CCDC198: variants seen among roughly 807,000 people sequenced by gnomAD.
The protein encoded by CCDC198 is coiled-coil domain containing 198, also known as factor associated with metabolism and energy.
CCDC198 carries 18 observed loss-of-function variants against 35.6 expected under a neutral mutation model. The ratio of observed to expected loss-of-function variants is 0.51; its 90% CI spans 0.35 to 0.75. CCDC198 has a LOEUF of 0.75. CCDC198 is among the 30% of genes least tolerant of loss of function. CCDC198 has a pLI of 0.01. For missense variants in CCDC198, 365 were observed against 343.7 expected, an observed-to-expected ratio of 1.06 and a Z score of -0.49; for synonymous variants, 119 against 113.4, an observed-to-expected ratio of 1.05 and a Z score of -0.31.
chr14:57,478,189 G>A (rs548751667), intron 5 of CCDC198, among the ~76,000 whole-genome samples: 1 of 152,096 alleles, frequency 6.6e-6, no homozygotes, highest in Non-Finnish European at 1.5e-5. Context: ...TTCAGAAGTC[G>A]CAGAGTGCAG....
intron 2 of CCDC198, among the ~76,000 whole-genome samples, chr14:57,483,809 A>T (rs2067267182): frequency 6.6e-6 from 1 of 152,204 alleles, no homozygotes; most frequent in Admixed American, 6.5e-5. Flanking sequence ...GGTTTGGGAG[A>T]CAAAGTCTGG....
Position 57,480,625 on chromosome 14 carries a change from A to AGATTT in CCDC198, c.624_625insAAATC (p.Leu209LysfsTer8). 1 of 1,614,152 alleles carries AGATTT rather than the reference A, an allele frequency of 6.2e-7. No individual in the cohort carries two copies. On this transcript the variant is annotated frameshift_variant, in exon 5 of 6. Transcript: ENST00000216445. LOFTEE classifies it high-confidence loss of function. ...CCTCTGTTCAAGATTTCATCAGGCA[A>AGATTT]CATGGTTAGAAGGTCATGGTCATCA...
At chr14:57,487,397 T>C (rs530907871) in intron 2 of CCDC198, among the ~76,000 whole-genome samples, 2 of 152,238 alleles carry the variant, frequency 1.3e-5, no homozygotes, top group Non-Finnish European at 2.9e-5. Context: ...GTGGGTCTTA[T>C]AGGGACAGTG....
chr14:57,493,635 C>T lies in CCDC198; in HGVS notation c.81G>A (p.Ser27=), dbSNP rs142383328. 59 of 1,613,798 alleles carry T rather than the reference C, an allele frequency of 3.7e-5. No individual in the cohort carries two copies. In the South Asian group the frequency reaches 3.7e-4, roughly 10 times the overall value. The change falls in exon 1 of 6, where the codon TCG becomes TCA. Residue 27 remains serine, a synonymous_variant. Transcript: ENST00000216445. The part of the protein sequence containing the change: ...PLQNKEVETP[S]AGRVDFAFNQ... ...TGAATGCAAAGTCCACACGGCCAGC[C>T]GAGGGAGTCTCTACCTCTTTGTTTT...
chr14:57,474,240 A>C (rs2066902939), intron 5 of CCDC198, among the ~76,000 whole-genome samples: 1 of 152,238 alleles, frequency 6.6e-6, no homozygotes. Context: ...TAAACAAATG[A>C]GCAATCAGAG....
chr14:57,471,190 A>G lies in CCDC198; in HGVS notation c.*165T>C. ...GGCATTTAGTTATGCAGCAATAGTT[A>G]ACAGCACATGTGACGGACTTGTTAA... On this transcript the variant is annotated 3_prime_UTR_variant, in exon 6 of 6. Transcript: ENST00000216445. The G allele has an allele frequency of 1.7e-6, 1 of 574,740 alleles. No individual in the cohort carries two copies. Among genetic ancestry groups the G allele is most frequent in the Non-Finnish European group, 3.0e-6 (1 of 330,314 alleles). The allele number at this position is 574,740 out of a possible 1,614,324, so 35.6% of individuals were successfully genotyped here.
In CCDC198 at chr14:57,471,573, C is replaced by T. The variant is rs1433662513; in HGVS notation, c.673G>A (p.Glu225Lys). 6.3e-7 allele frequency: 1 copy of T among 1,581,192 alleles called. No homozygotes were observed. Among genetic ancestry groups the T allele is most frequent in the Non-Finnish European group, 8.6e-7 (1 of 1,164,286 alleles). The change falls in exon 6 of 6, where the codon GAA (glutamate) becomes AAA (lysine). Residue 225 changes from glutamate to lysine, a missense_variant. By Grantham distance (56) the Glu-to-Lys change is moderately conservative. Coordinates refer to ENST00000216445, the MANE Select transcript of CCDC198 (RefSeq NM_018168.4). ...NRGPGNSKNT[E>K]FLKHQAVNNY... ...TTCACTGCTTGATGTTTCAAAAATT[C>T]TGTATTCTTTGAATTTCCTACAAAA...
chr14:57,483,292 G>C, intron 2 of CCDC198, 141 bp from the exon 3 acceptor site: 2 of 1,258,784 alleles, frequency 1.6e-6, no homozygotes, highest in Non-Finnish European at 2.2e-6. Context: ...GATTCTAACA[G>C]CATTACAGTT....
intron 2 of CCDC198, among the ~76,000 whole-genome samples, chr14:57,490,670 T>C (rs1389286784): frequency 1.3e-5 from 2 of 152,128 alleles, no homozygotes; most frequent in African/African-American, 4.8e-5. Context: ...AATTAAATAG[T>C]AGTAGCTGTT....
chr14:57,493,607 G>A lies in CCDC198; in HGVS notation c.109C>T (p.Gln37Ter), dbSNP rs1244002468. 6.2e-7 allele frequency: 1 copy of A among 1,613,816 alleles called. No homozygotes were observed. Among genetic ancestry groups the A allele is most frequent in the Non-Finnish European group, 8.5e-7 (1 of 1,179,908 alleles). The stretch of plus-strand genomic sequence containing the variant: ...TATGAAGTCTTTTCTTCCAAATTCT[G>A]ATTGAATGCAAAGTCCACACGGCCA... Reference protein sequence around the residue: ...SAGRVDFAFNQNLEEKTSYSL... With the variant: ...SAGRVDFAFN Residue 37 changes from glutamine to a stop codon, truncating the protein, a stop_gained, in exon 1 of 6, where the codon CAG becomes TAG. Transcript: ENST00000216445. LOFTEE classifies it high-confidence loss of function.
Position 57,493,319 on chromosome 14 carries a change from C to G in CCDC198, c.223+174G>C, listed in dbSNP as rs1022969102. Among the ~76,000 whole-genome samples the G allele has an allele frequency of 2.5e-4, 38 of 152,166 alleles. 1 individual carries two copies. Among genetic ancestry groups the G allele is most frequent in the Admixed American group, 5.9e-4 (9 of 15,270 alleles). The stretch of plus-strand genomic sequence containing the variant: ...CTCCCATTCTAATGAACCCAGAATA[C>G]TTTCAACTGATGTTCAATCCTCATT... On this transcript the variant is annotated intron_variant, in intron 1 of 5. Coordinates refer to ENST00000216445, the MANE Select transcript of CCDC198 (RefSeq NM_018168.4).
At chr14:57,491,231 A>G (rs1020316662) in intron 1 of CCDC198, among the ~76,000 whole-genome samples, 160 bp from the exon 2 acceptor site, 2 of 152,128 alleles carry the variant, frequency 1.3e-5, no homozygotes, top group Admixed American at 6.6e-5. Flanking sequence ...CACAGAAAGC[A>G]GGGAACCTAC....
At chr14:57,473,423 G>A (rs1412199605) in intron 5 of CCDC198, among the ~76,000 whole-genome samples, 5 of 152,024 alleles carry the variant, frequency 3.3e-5, no homozygotes, top group South Asian at 2.1e-4. Context: ...TTCAGCAAAC[G>A]GTACTAACTT....
At chr14:57,479,010 C>G in intron 5 of CCDC198, 1 of 1,289,318 alleles carries the variant, frequency 7.8e-7, no homozygotes, top group Non-Finnish European at 1.0e-6. Context: ...TTGGAAATTT[C>G]AACTGTGGGT....
At position 57,469,767 on chromosome 14, in the gene CCDC198, C is replaced by G. The variant is rs185771365; in HGVS notation, c.*1588G>C. 1 of 152,298 alleles carries G rather than the reference C, an allele frequency of 6.6e-6. No homozygotes were observed. The allele number at this position is 152,298 out of a possible 1,614,324, so 9.4% of individuals were successfully genotyped here. On this transcript the variant is annotated 3_prime_UTR_variant, in exon 6 of 6. Coordinates refer to ENST00000216445, the MANE Select transcript of CCDC198 (RefSeq NM_018168.4). ...AATAGCCTTCTGTCCTTGGAAGAAA[C>G]ATGAATTTTTATCACCTGACATCTC... is the stretch of plus-strand genomic sequence containing the variant.
At chr14:57,477,741 A>G (rs2067050513) in intron 5 of CCDC198, among the ~76,000 whole-genome samples, 1 of 152,152 alleles carries the variant, frequency 6.6e-6, no homozygotes, top group South Asian at 2.1e-4. Context: ...TGTGTCGCCC[A>G]GGTTGGAGTG....
chr14:57,490,970 C>A lies in CCDC198; in HGVS notation c.306+19G>T. On this transcript the variant is annotated intron_variant, in intron 2 of 5. Transcript: ENST00000216445. ...TTTATCCAAGAAATTCCTTATGAAG[C>A]CTTTTAAATTCATCTTACTTGAAGT... 6.5e-7 allele frequency: 1 copy of A among 1,529,490 alleles called. No homozygotes were observed. Among genetic ancestry groups the A allele is most frequent in the East Asian group, 2.3e-5 (1 of 44,260 alleles). 94.7% of individuals were successfully genotyped at this position (1,529,490 alleles called of 1,614,324 possible).
intron 2 of CCDC198, 86 bp from the exon 3 acceptor site, chr14:57,483,237 A>T: frequency 1.3e-6 from 2 of 1,595,030 alleles, no homozygotes; most frequent in Non-Finnish European, 1.7e-6. Context: ...TTATCTTAAC[A>T]CTTTGCAAAA....
rs576317531 is a variant in CCDC198, at chr14:57,478,791, C to T, written c.655+1804G>A. The T allele has an allele frequency of 4.6e-6, 5 of 1,097,024 alleles. No homozygotes were observed. In the East Asian group the frequency reaches 2.5e-4, roughly 56 times the overall value. 68.0% of individuals were successfully genotyped at this position (1,097,024 alleles called of 1,614,324 possible). A position where few individuals can be genotyped will look rare whatever the true frequency, so the allele number is the denominator to read the frequency against. ...TGCCCCAAGTAGATTTTCAATTATT[C>T]AGCCTTTTCTTATTTAATTAACTTA... On this transcript the variant is annotated intron_variant, in intron 5 of 5. Coordinates refer to ENST00000216445, the MANE Select transcript of CCDC198 (RefSeq NM_018168.4).
Sources: allele counts gnomAD v4.1 joint callset (sites outside exome capture counted in the v4.1 genomes callset), GRCh38; gene constraint gnomAD v4.1.1; transcripts MANE v1.5; gene names NCBI Gene and HGNC (gene_info 2026-07-23, HGNC 2026-07-21).